DNAJC1: variants seen among roughly 807,000 people sequenced by gnomAD.
DNAJC1 encodes the protein DnaJ heat shock protein family (Hsp40) member C1.
Under a neutral mutation model 76.6 loss-of-function variants are expected in DNAJC1, and 58 were observed. The ratio of observed to expected loss-of-function variants is 0.76; its 90% CI spans 0.61 to 0.94. DNAJC1 has a LOEUF of 0.94. DNAJC1 is among the 40% of genes least tolerant of loss of function. The pLI is 0.00. For missense variants in DNAJC1, 689 were observed against 677.3 expected, an observed-to-expected ratio of 1.02 and a Z score of -0.19; for synonymous variants, 258 against 267.9, an observed-to-expected ratio of 0.96 and a Z score of 0.36.
chr10:22,000,689 T>C (rs2131855815), intron 1 of DNAJC1, among the ~76,000 whole-genome samples: 1 of 152,378 alleles, frequency 6.6e-6, no homozygotes, highest in South Asian at 2.1e-4. Context: ...GTGGGGCCTC[T>C]GTGAGGTGAT....
intron 3 of DNAJC1, among the ~76,000 whole-genome samples, chr10:21,925,510 T>A (rs1460199886): frequency 6.6e-6 from 1 of 152,182 alleles, no homozygotes; most frequent in African/African-American, 2.4e-5. Flanking sequence ...GCCTTGCTCA[T>A]CACAGCCCCA....
intron 3 of DNAJC1, among the ~76,000 whole-genome samples, chr10:21,925,497 G>T (rs919380584): frequency 1.3e-5 from 2 of 152,182 alleles, no homozygotes; most frequent in African/African-American, 4.8e-5. Flanking sequence ...AATGTTCATA[G>T]AAGCCTTGCT....
At chr10:21,810,342 C>CTTAA (rs1250299437) in intron 8 of DNAJC1, among the ~76,000 whole-genome samples, 1 of 152,150 alleles carries the variant, frequency 6.6e-6, no homozygotes, top group Non-Finnish European at 1.5e-5. Context: ...CCTTTGTGCC[C>CTTAA]TTAATCAATA....
chr10:21,865,071 G>A (rs1189593027), intron 8 of DNAJC1, among the ~76,000 whole-genome samples: 1 of 152,152 alleles, frequency 6.6e-6, no homozygotes, highest in African/African-American at 2.4e-5. Flanking sequence ...GATAAAAAGT[G>A]TAGGCCAGGA....
At chr10:21,860,734 CA>C in intron 8 of DNAJC1, 1 of 134,730 alleles carries the variant, frequency 7.4e-6, no homozygotes, top group Non-Finnish European at 1.5e-5. Context: ...AACAAACAAA[CA>C]AAACGTACCT....
At chr10:21,985,689 G>C (rs143908102) in intron 1 of DNAJC1, among the ~76,000 whole-genome samples, 228 of 152,304 alleles carry the variant, frequency 1.5e-3, no homozygotes, top group African/African-American at 5.1e-3. Context: ...GTTTATCCCA[G>C]AAGTTCTTTC....
chr10:21,770,081 G>A (rs80298076), intron 9 of DNAJC1, among the ~76,000 whole-genome samples: 5 of 149,524 alleles, frequency 3.3e-5, no homozygotes, highest in Admixed American at 6.6e-5. Context: ...AAAATCTAAC[G>A]AGTCCATTTT....
In DNAJC1 at chr10:21,880,463, A is replaced by G. The variant is rs146437975; in HGVS notation, c.978+1819T>C. Among the ~76,000 whole-genome samples, 1,093 of 152,272 alleles carry G rather than the reference A, an allele frequency of 7.2e-3. 6 individuals are homozygous for G. The highest frequency in any genetic ancestry group is 0.017 in the South Asian group (81 of 4,830). ...CCTTATAAAATATATGTCTTAAATA[A>G]TAAAACTTAAGTTGGAAGGGCTCCT... On this transcript the variant is annotated intron_variant, in intron 8 of 11. Transcript: ENST00000376980.
At chr10:21,868,565 T>A (rs1403681685) in intron 8 of DNAJC1, among the ~76,000 whole-genome samples, 1 of 152,086 alleles carries the variant, frequency 6.6e-6, no homozygotes, top group Non-Finnish European at 1.5e-5. Flanking sequence ...TAAAAGTTGA[T>A]CTCAAGAGGT....
intron 9 of DNAJC1, among the ~76,000 whole-genome samples, chr10:21,790,202 A>C (rs894236283): frequency 1.3e-5 from 2 of 151,600 alleles, no homozygotes; most frequent in African/African-American, 4.8e-5. Flanking sequence ...CCATTAAGTG[A>C]ACAAGTGTTC....
At chr10:21,799,362 G>C (rs1265854071) in intron 9 of DNAJC1, among the ~76,000 whole-genome samples, 1 of 152,078 alleles carries the variant, frequency 6.6e-6, no homozygotes, top group Non-Finnish European at 1.5e-5. Flanking sequence ...GCAGTGGCAT[G>C]AACATGACTC....
rs201328349 is a variant in DNAJC1 at position 21,759,367 on chromosome 10, G to A, written c.1399C>T (p.Arg467Trp). The change falls in exon 11 of 12, where the codon CGG becomes TGG. Residue 467 changes from arginine (R) to tryptophan (W), a missense_variant. Transcript: ENST00000376980. ...PEPEEKSRAKRQKDFDIAEQN... is the reference protein window; with the variant it reads ...PEPEEKSRAKWQKDFDIAEQN... ...TCTGCTATGTCAAAGTCCTTCTGCC[G>A]CTTGGCTCTGGACTTCTCCTCTGGC... The A allele has an allele frequency of 2.6e-5, 42 of 1,614,154 alleles. No homozygotes were observed. In the East Asian group the frequency reaches 2.9e-4, roughly 11 times the overall value.
intron 8 of DNAJC1, among the ~76,000 whole-genome samples, chr10:21,839,673 C>G (rs895715674): frequency 6.6e-6 from 1 of 152,146 alleles, no homozygotes; most frequent in Non-Finnish European, 1.5e-5. Context: ...ACCAGAGGTA[C>G]AAGGAGGAGC....
chr10:21,971,108 T>C (rs1165862940), intron 1 of DNAJC1, among the ~76,000 whole-genome samples: 3 of 151,848 alleles, frequency 2.0e-5, no homozygotes, highest in African/African-American at 7.2e-5. Flanking sequence ...TATTTTAGTT[T>C]TTCCTGATAT....
intron 1 of DNAJC1, among the ~76,000 whole-genome samples, chr10:21,963,674 C>A (rs1033447646): frequency 2.0e-5 from 3 of 152,036 alleles, no homozygotes; most frequent in Admixed American, 6.6e-5. Context: ...GATCTTTTTG[C>A]GTCTTTGTAT....
At chr10:21,962,851 A>T (rs1450746161) in intron 1 of DNAJC1, among the ~76,000 whole-genome samples, 1 of 152,018 alleles carries the variant, frequency 6.6e-6, no homozygotes, top group African/African-American at 2.4e-5. Context: ...AAGATCATAT[A>T]ACAATTAAAC....
At chr10:21,967,196 G>A (rs988137361) in intron 1 of DNAJC1, among the ~76,000 whole-genome samples, 12 of 152,062 alleles carry the variant, frequency 7.9e-5, no homozygotes, top group Non-Finnish European at 2.9e-5. Context: ...ATGTCTATCT[G>A]CAGTCAATCC....
At chr10:21,793,067 A>G (rs1834710125) in intron 9 of DNAJC1, among the ~76,000 whole-genome samples, 1 of 152,096 alleles carries the variant, frequency 6.6e-6, no homozygotes. Context: ...GCATTTTGGG[A>G]GGCCAAGGAG....
chr10:21,879,244 C>G (rs1340093576), intron 8 of DNAJC1, among the ~76,000 whole-genome samples: 1 of 152,142 alleles, frequency 6.6e-6, no homozygotes, highest in Non-Finnish European at 1.5e-5. Flanking sequence ...CAGAGATATT[C>G]CAAGTTCAGG....
Sources: allele counts gnomAD v4.1 joint callset (sites outside exome capture counted in the v4.1 genomes callset), GRCh38; gene constraint gnomAD v4.1.1; transcripts MANE v1.5; gene names NCBI Gene and HGNC (gene_info 2026-07-23, HGNC 2026-07-21).